GBE1: variants seen among roughly 807,000 people sequenced by gnomAD.
GBE1 encodes 1,4-alpha-glucan branching enzyme 1, also known as 1,4-alpha-glucan-branching enzyme.
In GBE1, 70 loss-of-function variants were observed where a neutral mutation model predicts 88.8. The ratio of observed to expected loss-of-function variants is 0.79; its 90% confidence interval spans 0.65 to 0.96. The LOEUF is 0.96. GBE1 is among the 40% of genes least tolerant of loss of function. The pLI is 0.00. For missense variants in GBE1, 872 were observed against 871.0 expected, an observed-to-expected ratio of 1.00 and a Z score of -0.01; for synonymous variants, 284 against 300.1, an observed-to-expected ratio of 0.95 and a Z score of 0.56.
intron 10 of GBE1, among the ~76,000 whole-genome samples, chr3:81,584,523 A>G (rs1703774076): frequency 6.6e-6 from 1 of 152,094 alleles, no homozygotes; most frequent in African/African-American, 2.4e-5. Flanking sequence ...CTAAGGGGGG[A>G]CCCAGTTTGG....
chr3:81,490,670 G>A (rs1294631591), intron 15 of GBE1, among the ~76,000 whole-genome samples: 4 of 151,836 alleles, frequency 2.6e-5, no homozygotes, highest in Non-Finnish European at 5.9e-5. Flanking sequence ...ACCACTAGAG[G>A]GCGCCATACG....
intron 8 of GBE1, among the ~76,000 whole-genome samples, chr3:81,592,106 A>G (rs1328971100): frequency 1.3e-5 from 2 of 152,136 alleles, no homozygotes; most frequent in African/African-American, 4.8e-5. Context: ...TCAAATTGAC[A>G]CAACTGTCAC....
chr3:81,735,330 A>G (rs935858892), intron 1 of GBE1, among the ~76,000 whole-genome samples: 5 of 152,154 alleles, frequency 3.3e-5, no homozygotes, highest in African/African-American at 1.2e-4. Context: ...GCTCTGTGCA[A>G]TGTTTGTAGG....
At position 81,577,053 on chromosome 3, in the gene GBE1, C is replaced by T. The variant is rs558744634; in HGVS notation, c.1618+872G>A. Among the ~76,000 whole-genome samples, 81 of 152,110 alleles carry T rather than the reference C, an allele frequency of 5.3e-4. 1 individual carries two copies. Among genetic ancestry groups the T allele is most frequent in the South Asian group, 5.0e-3 (24 of 4,806 alleles). On this transcript the variant is annotated intron_variant, in intron 12 of 15. Transcript: ENST00000429644. ...CTCCTGGGCTCAAACAGTCCCTCTGCCTCAGCCTCCTGATTAGCTAGGGTA... is the reference window on the plus strand; with the variant it reads ...CTCCTGGGCTCAAACAGTCCCTCTGTCTCAGCCTCCTGATTAGCTAGGGTA...
rs116323940 is a variant in GBE1, at chr3:81,699,371, T to C, written c.313+6073A>G. On this transcript the variant is annotated intron_variant, in intron 2 of 15. Transcript: ENST00000429644. ...AAGATATCTAGAATATCAAAAAATA[T>C]GGAAAGTTTACACTGTATACCACAA... Among the ~76,000 whole-genome samples the C allele has an allele frequency of 5.0e-3, 755 of 152,302 alleles. 11 individuals are homozygous for C. Among genetic ancestry groups the C allele is most frequent in the African/African-American group, 0.017 (691 of 41,560 alleles).
chr3:81,751,936 A>G (rs1173823320), intron 1 of GBE1, among the ~76,000 whole-genome samples: 10 of 152,212 alleles, frequency 6.6e-5, no homozygotes, highest in Non-Finnish European at 1.2e-4. Flanking sequence ...TATCACCGGT[A>G]AAACAAACAG....
chr3:81,643,082 G>C (rs1576182356), intron 6 of GBE1, 92 bp from the exon 7 acceptor site: 1 of 826,584 alleles, frequency 1.2e-6, no homozygotes, highest in East Asian at 2.7e-5. Flanking sequence ...CGCAGTACTA[G>C]ATACTTTAAA....
chr3:81,678,780 AG>A (rs951008159), intron 2 of GBE1, among the ~76,000 whole-genome samples: 8 of 152,192 alleles, frequency 5.3e-5, no homozygotes, highest in African/African-American at 1.7e-4. Flanking sequence ...GTTAAAAAGA[AG>A]AAAAAATAAG....
intron 1 of GBE1, among the ~76,000 whole-genome samples, chr3:81,715,583 A>T (rs1705927776): frequency 6.6e-6 from 1 of 152,204 alleles, no homozygotes; most frequent in South Asian, 2.1e-4. Context: ...AATTACTCTA[A>T]GACTAATTGG....
rs549524520 is a variant in GBE1, at chr3:81,624,270, G to A, written c.992+18511C>T. On this transcript the variant is annotated intron_variant, in intron 7 of 15. Transcript: ENST00000429644. ...GAAAACATGGGGGAAATGCCCCCAT[G>A]ATTCAATTACCTCCACCTGATCTCT... Among the ~76,000 whole-genome samples, 3 of 152,232 alleles carry A rather than the reference G, an allele frequency of 2.0e-5. No homozygotes were observed. The East Asian group carries it at 5.8e-4, about 29-fold the overall frequency.
intron 2 of GBE1, among the ~76,000 whole-genome samples, chr3:81,696,272 A>G (rs1487772960): frequency 2.0e-5 from 3 of 152,210 alleles, no homozygotes; most frequent in Non-Finnish European, 4.4e-5. Context: ...GGATGAGCAA[A>G]AACAATGCTG....
In GBE1 at chr3:81,733,518, C is replaced by T. The variant is rs771567717; in HGVS notation, c.143+27857G>A. On this transcript the variant is annotated intron_variant, in intron 1 of 15. Transcript: ENST00000429644. This position sits in a 1 kb window ranked among gnomAD's most constrained non-coding sequence, Gnocchi z 4.0. ...TGGTGCCAAAGTTTGGGGACCCCTGCTCTTGGCAAACCCCTGTGTAGAGGC... is the reference window on the plus strand; with the variant it reads ...TGGTGCCAAAGTTTGGGGACCCCTGTTCTTGGCAAACCCCTGTGTAGAGGC... Among the ~76,000 whole-genome samples, 1 of 152,104 alleles carries T rather than the reference C, an allele frequency of 6.6e-6. No individual in the cohort carries two copies. The highest frequency in any genetic ancestry group is 1.5e-5 in the Non-Finnish European group (1 of 68,008).
intron 12 of GBE1, among the ~76,000 whole-genome samples, chr3:81,576,246 A>G (rs13313972): frequency 0.16 from 24,718 of 151,584 alleles, 2,089 homozygotes; most frequent in Non-Finnish European, 0.21. Context: ...TATACATGAT[A>G]ACTATAATAA....
chr3:81,646,876 CTATG>C (rs2107067288), intron 5 of GBE1, among the ~76,000 whole-genome samples: 1 of 151,520 alleles, frequency 6.6e-6, no homozygotes, highest in African/African-American at 2.4e-5. Context: ...TATTTTGACT[CTATG>C]TATTTCTATA....
At chr3:81,754,127 C>T (rs978161837) in intron 1 of GBE1, among the ~76,000 whole-genome samples, 14 of 152,114 alleles carry the variant, frequency 9.2e-5, no homozygotes, top group South Asian at 2.1e-4. Flanking sequence ...AATACAAAAT[C>T]GAAATATAAA....
chr3:81,670,979 A>T (rs756948228), intron 2 of GBE1, 26 bp from the exon 3 acceptor site: 17 of 1,164,294 alleles, frequency 1.5e-5, no homozygotes, highest in Non-Finnish European at 2.0e-5. Context: ...AGATCAGTTA[A>T]CAACAGCATG....
intron 7 of GBE1, among the ~76,000 whole-genome samples, chr3:81,628,741 G>GCA (rs1576176107): frequency 3.4e-5 from 1 of 29,620 alleles, no homozygotes; most frequent in African/African-American, 1.2e-4. Flanking sequence ...AAGAACAATT[G>GCA]CATATATATA....
At chr3:81,635,043 G>A (rs146126679) in intron 7 of GBE1, among the ~76,000 whole-genome samples, 1 of 152,254 alleles carries the variant, frequency 6.6e-6, no homozygotes, top group Non-Finnish European at 1.5e-5. Flanking sequence ...CAGAGCTCCA[G>A]TCTCAGACAA....
intron 7 of GBE1, chr3:81,612,264 C>T (rs1364768653): frequency 1.9e-6 from 1 of 527,194 alleles, no homozygotes; most frequent in Non-Finnish European, 3.1e-6. Context: ...CTCTCTGGTT[C>T]CTCATGTTGC....
Sources: gnomAD v4.1 joint callset for allele counts (sites outside exome capture counted in the v4.1 genomes callset) on GRCh38, gnomAD v4.1.1 for gene constraint, Gnocchi (gnomAD v3.1) non-coding constraint, MANE v1.5 for transcripts, NCBI Gene and HGNC (gene_info 2026-07-23, HGNC 2026-07-21) for gene names.